Variants in RXFP1 observed in about 807,000 individuals in gnomAD.
RXFP1 encodes the protein relaxin family peptide receptor 1.
A neutral mutation model predicts 89.8 loss-of-function variants in RXFP1; 73 were observed. That is an observed-to-expected ratio of 0.81 (90% confidence interval 0.67 to 0.99). RXFP1 has a LOEUF of 0.99. Ranked by LOEUF, RXFP1 falls within the 50% of genes least tolerant of loss-of-function variation. The pLI, the probability that RXFP1 is intolerant of heterozygous loss-of-function variation, is 0.00. For synonymous variants in RXFP1, 277 were observed against 305.5 expected (o/e 0.91, Z 0.97); for missense variants, 793 against 895.5 (o/e 0.89, Z 1.46).
At chr4:158,616,764 C>T (rs1455447285) in intron 8 of RXFP1, among the ~76,000 whole-genome samples, 1 of 151,000 alleles carries the variant, frequency 6.6e-6, no homozygotes, top group South Asian at 2.1e-4. Context: ...TTTGGGAGTC[C>T]GAGGTGGGTG....
intron 17 of RXFP1, among the ~76,000 whole-genome samples, chr4:158,649,484 C>T (rs914625081): frequency 2.0e-5 from 3 of 152,112 alleles, no homozygotes; most frequent in Admixed American, 6.5e-5. Context: ...TGTTGCCTCA[C>T]GCCTGTAATC....
At chr4:158,613,591 G>C (rs1763967098) in intron 8 of RXFP1, among the ~76,000 whole-genome samples, 1 of 152,174 alleles carries the variant, frequency 6.6e-6, no homozygotes, top group Admixed American at 6.5e-5. Context: ...TTTATCATGA[G>C]ATTGCAGCAA....
chr4:158,601,519 G>T (rs1761694656), intron 4 of RXFP1, among the ~76,000 whole-genome samples: 1 of 152,104 alleles, frequency 6.6e-6, no homozygotes, highest in African/African-American at 2.4e-5. Flanking sequence ...GCATTATCTT[G>T]TGCTTTAGGT....
chr4:158,616,256 C>T (rs1580092538), intron 8 of RXFP1, among the ~76,000 whole-genome samples: 1 of 151,558 alleles, frequency 6.6e-6, no homozygotes, highest in South Asian at 2.1e-4. Context: ...ACCCCATCTC[C>T]ACTAAAAATA....
chr4:158,636,560 T>C (rs1769208557), intron 12 of RXFP1, among the ~76,000 whole-genome samples: 1 of 152,224 alleles, frequency 6.6e-6, no homozygotes, highest in Admixed American at 6.5e-5. Flanking sequence ...AAGTGTTTTA[T>C]CTTAATTAAT....
At chr4:158,562,236 C>A (rs1480704549) in intron 1 of RXFP1, among the ~76,000 whole-genome samples, 22 of 152,096 alleles carry the variant, frequency 1.4e-4, no homozygotes, top group Admixed American at 1.4e-3. Context: ...TTTATTGTCT[C>A]TATATTCTAA....
chr4:158,568,705 A>G (rs1484395753), intron 1 of RXFP1, among the ~76,000 whole-genome samples: 1 of 152,214 alleles, frequency 6.6e-6, no homozygotes, highest in Non-Finnish European at 1.5e-5. Flanking sequence ...ATTATTATAT[A>G]CATTTGACTA....
At chr4:158,553,113 CA>C (rs1178764334) in intron 1 of RXFP1, among the ~76,000 whole-genome samples, 1 of 152,058 alleles carries the variant, frequency 6.6e-6, no homozygotes, top group Non-Finnish European at 1.5e-5. Context: ...CACCTGAGCC[CA>C]GGGGTTTGAG....
At chr4:158,607,121 C>T (rs998316940) in intron 5 of RXFP1, 26 of 1,535,776 alleles carry the variant, frequency 1.7e-5, no homozygotes, top group Middle Eastern at 1.7e-4. Context: ...TTATCATTCC[C>T]GCAATCTGGG....
chr4:158,544,816 A>T (rs563001390), intron 1 of RXFP1, among the ~76,000 whole-genome samples: 1 of 152,168 alleles, frequency 6.6e-6, no homozygotes, highest in Non-Finnish European at 1.5e-5. Context: ...CATGGTGTAT[A>T]TGTGCCACAT....
intron 10 of RXFP1, among the ~76,000 whole-genome samples, chr4:158,627,145 G>C (rs10025895): frequency 6.6e-6 from 1 of 152,058 alleles, no homozygotes; most frequent in South Asian, 2.1e-4. Context: ...AAATACTGCT[G>C]AATGTTCACA....
intron 1 of RXFP1, among the ~76,000 whole-genome samples, chr4:158,558,305 A>G (rs987889292): frequency 8.5e-5 from 13 of 152,186 alleles, no homozygotes; most frequent in Admixed American, 3.3e-4. Context: ...ACACAGAAAC[A>G]GTGGCAGGTA....
At position 158,639,302 on chromosome 4, in the gene RXFP1, G is replaced by T. The variant is rs1182666293; in HGVS notation, c.1086G>T (p.Met362Ile). ...AAATTTCAAATATCCAACAAAGGAT[G>T]TTTAGACCTCTTATGAATCTCTCTC... ...GIEISNIQQR[M>I]FRPLMNLSHI... is the part of the protein sequence containing the mutation. Residue 362 changes from methionine to isoleucine, a missense_variant, in exon 14 of 18, where the codon ATG (methionine) becomes ATT (isoleucine). Coordinates refer to ENST00000307765, the MANE Select transcript of RXFP1 (RefSeq NM_021634.4). 6.4e-7 allele frequency: 1 copy of T among 1,569,778 alleles called. No individual in the cohort carries two copies. The highest frequency in any genetic ancestry group is 1.7e-5 in the Admixed American group (1 of 59,912).
chr4:158,551,534 T>G (rs1327945937), intron 1 of RXFP1, among the ~76,000 whole-genome samples: 4 of 142,660 alleles, frequency 2.8e-5, no homozygotes, highest in African/African-American at 1.1e-4. Flanking sequence ...GCATATAAGA[T>G]GATGATTATG....
chr4:158,639,882 AAAG>A (rs1770029365), intron 14 of RXFP1, among the ~76,000 whole-genome samples: 1 of 152,056 alleles, frequency 6.6e-6, no homozygotes, highest in Non-Finnish European at 1.5e-5. Flanking sequence ...AAAGAAAAGA[AAAG>A]AGACTCTGGA....
intron 3 of RXFP1, among the ~76,000 whole-genome samples, chr4:158,598,718 C>T (rs986716195): frequency 6.6e-6 from 1 of 151,846 alleles, no homozygotes; most frequent in Non-Finnish European, 1.5e-5. Flanking sequence ...AAAATAGAAT[C>T]CTATGCAGAA....
chr4:158,630,415 A>G (rs1166045169), intron 11 of RXFP1, among the ~76,000 whole-genome samples: 1 of 152,234 alleles, frequency 6.6e-6, no homozygotes, highest in Non-Finnish European at 1.5e-5. Flanking sequence ...TATTATCTAG[A>G]CATTAGAATA....
chr4:158,572,836 G>C lies in RXFP1; in HGVS notation c.187+1G>C. The C allele has an allele frequency of 2.5e-6, 4 of 1,614,162 alleles. No homozygotes were observed. The highest frequency in any genetic ancestry group is 2.2e-5 in the South Asian group (2 of 91,082). ...AATCAGGCCGATGAGGACAACTGTG[G>C]TGAGTGAAGCCCCTGCAGTCACGGT... is the stretch of plus-strand genomic sequence containing the variant. On this transcript the variant is annotated splice_donor_variant, in intron 2 of 17. Transcript: ENST00000307765. LOFTEE classifies it high-confidence loss of function.
At chr4:158,647,327 T>G (rs1771764134) in intron 16 of RXFP1, 126 bp downstream of exon 16, 1 of 737,308 alleles carries the variant, frequency 1.4e-6, no homozygotes, top group African/African-American at 1.8e-5. Flanking sequence ...CAAATTATAC[T>G]CTGATATAAA....
Sources: gnomAD v4.1 joint callset for allele counts (sites outside exome capture counted in the v4.1 genomes callset) on GRCh38, gnomAD v4.1.1 for gene constraint, MANE v1.5 for transcripts, NCBI Gene and HGNC (gene_info 2026-07-23, HGNC 2026-07-21) for gene names.